MAST1: variants seen among roughly 807,000 people sequenced by gnomAD.
MAST1 encodes microtubule-associated serine/threonine-protein kinase 1.
Under a neutral mutation model 124.6 loss-of-function variants are expected in MAST1, and 40 were observed. The ratio of observed to expected loss-of-function variants is 0.32; its 90% confidence interval spans 0.25 to 0.42. MAST1 has a LOEUF of 0.42. MAST1 is among the 10% of genes least tolerant of loss of function. The pLI, the probability that MAST1 is intolerant of heterozygous loss-of-function variation, is 1.00. For synonymous variants in MAST1, 938 were observed against 939.4 expected (o/e 1.00, Z 0.03); for missense variants, 1,558 against 2,181.9 (o/e 0.71, Z 5.70).
chr19:12,858,006 C>CAAAAAAAAAAAAAAAAAAAAAAAAAA (rs539497049), intron 10 of MAST1, among the ~76,000 whole-genome samples: 1 of 49,446 alleles, frequency 2.0e-5, no homozygotes, highest in African/African-American at 5.6e-5. Flanking sequence ...GAACCTATCT[C>CAAAAAAAAAAAAAAAAAAAAAAAAAA]AAAAAAAAAA....
In MAST1 at chr19:12,839,087, C is replaced by T. The variant is rs372979049; in HGVS notation, c.83+432C>T. 7.3e-5 allele frequency among the ~76,000 whole-genome samples: 11 copies of T among 151,030 alleles called. No homozygotes were observed. The East Asian group carries it at 1.9e-3, about 27-fold the overall frequency. ...GTGGGTGAGGGGACGGACGGAGGGG[C>T]TTGGGGCTCCCTCTTCGGGAGCTGG... On this transcript the variant is annotated intron_variant, in intron 1 of 25. Transcript: ENST00000251472.
At chr19:12,850,174 A>T (rs1282703138) in intron 7 of MAST1, among the ~76,000 whole-genome samples, 1 of 152,194 alleles carries the variant, frequency 6.6e-6, no homozygotes, top group East Asian at 1.9e-4. Flanking sequence ...GAAATAAAAC[A>T]AAAATTCTTG....
At chr19:12,861,210 C>T (rs1970078751) in intron 12 of MAST1, among the ~76,000 whole-genome samples, 1 of 152,038 alleles carries the variant, frequency 6.6e-6, no homozygotes, top group African/African-American at 2.4e-5. Flanking sequence ...TAAAGGCGCG[C>T]CTCCACCATG....
intron 20 of MAST1, among the ~76,000 whole-genome samples, chr19:12,868,240 C>T (rs963122255): frequency 6.6e-6 from 1 of 151,180 alleles, no homozygotes; most frequent in African/African-American, 2.4e-5. Flanking sequence ...TCCCGAGTAG[C>T]TGGGATTACA....
rs1055851373 is a variant in MAST1 at position 12,843,904 on chromosome 19, G to A, written c.327+297G>A. The stretch of plus-strand genomic sequence containing the variant: ...TGGTCCCCACTATTTGGGAGGCTGA[G>A]ACGGGAGGATCGCTGGAGTCTGGGA... On this transcript the variant is annotated intron_variant, in intron 4 of 25. Transcript: ENST00000251472. This position sits in a 1 kb window ranked among gnomAD's most constrained non-coding sequence, Gnocchi z 4.9. Among the ~76,000 whole-genome samples the A allele has an allele frequency of 2.0e-5, 3 of 152,192 alleles. No homozygotes were observed. The highest frequency in any genetic ancestry group is 2.9e-5 in the Non-Finnish European group (2 of 68,036).
chr19:12,846,870 CAAAAAAA>C (rs386388580), intron 4 of MAST1, among the ~76,000 whole-genome samples: 52 of 47,384 alleles, frequency 1.1e-3, no homozygotes, highest in African/African-American at 4.0e-3. Context: ...AACTCCATCT[CAAAAAAA>C]AAAAAAAAAA....
rs1414472632 is a variant in MAST1, at chr19:12,873,404, A to G, written c.3344A>G (p.Asn1115Ser). 4 of 1,613,838 alleles carry G rather than the reference A, an allele frequency of 2.5e-6. No homozygotes were observed. The highest frequency in any genetic ancestry group is 3.4e-6 in the Non-Finnish European group (4 of 1,179,988). Residue 1115 changes from asparagine (N) to serine (S), a missense_variant, in exon 25 of 26, where the codon AAC becomes AGC. By Grantham distance (46) the Asn-to-Ser change is conservative. Transcript: ENST00000251472. ...LHTSRSLSSL[N>S]RSLSSSDSLP... Reference sequence around the variant, plus strand: ...ACTAGCCGCTCGCTGTCGTCGCTGAACCGCTCGCTGTCATCCAGCGATAGT... The same window carrying G: ...ACTAGCCGCTCGCTGTCGTCGCTGAGCCGCTCGCTGTCATCCAGCGATAGT...
rs753002871 is a variant in MAST1, at chr19:12,852,215, G to A, written c.977G>A (p.Arg326His). Reference sequence around the variant, plus strand: ...ACGGACATCCCCCGCTACATCATCCGCCAGCTGGGCCTCACCCGTGACCCC... The same window carrying A: ...ACGGACATCCCCCGCTACATCATCCACCAGCTGGGCCTCACCCGTGACCCC... ...VKTDIPRYII[R>H]QLGLTRDPFP... Residue 326 changes from arginine (R) to histidine (H), a missense_variant, in exon 9 of 26, where the codon CGC (arginine) becomes CAC (histidine). Arg to His is a conservative substitution (Grantham distance 29). This residue lies in a region of MAST1 where 136 missense variants were observed against 160.9 expected (regional missense o/e 0.85). Coordinates refer to ENST00000251472, the MANE Select transcript of MAST1 (RefSeq NM_014975.3). The A allele has an allele frequency of 6.2e-6, 10 of 1,613,934 alleles. No homozygotes were observed. The highest frequency in any genetic ancestry group is 6.8e-6 in the Non-Finnish European group (8 of 1,180,032).
intron 10 of MAST1, among the ~76,000 whole-genome samples, chr19:12,854,787 C>G (rs939403806): frequency 6.6e-6 from 1 of 152,178 alleles, no homozygotes; most frequent in Non-Finnish European, 1.5e-5. Flanking sequence ...AGCAAGCTAA[C>G]TGGCTGTATG....
chr19:12,852,963 T>G (rs1318456314), intron 10 of MAST1, among the ~76,000 whole-genome samples: 3 of 151,842 alleles, frequency 2.0e-5, no homozygotes, highest in Non-Finnish European at 2.9e-5. Context: ...TATTTTATTT[T>G]TATTTATTTA....
At position 12,858,515 on chromosome 19, in the gene MAST1, C is replaced by T; in HGVS notation, c.1158-16C>T. ...TCTCGGAGGTGACGGCCGGTCCTCG[C>T]TCTCTCCCCCTGCAGCGCTGTCTAC... On this transcript the variant is annotated splice_polypyrimidine_tract_variant and intron_variant, in intron 11 of 25. Coordinates refer to ENST00000251472, the MANE Select transcript of MAST1 (RefSeq NM_014975.3). 6.2e-7 allele frequency: 1 copy of T among 1,613,060 alleles called. No homozygotes were observed. The highest frequency in any genetic ancestry group is 1.7e-4 in the Middle Eastern group (1 of 6,056).
chr19:12,868,510 C>T (rs933296116), intron 20 of MAST1, 133 bp from the exon 21 acceptor site: 1 of 721,320 alleles, frequency 1.4e-6, no homozygotes, highest in Non-Finnish European at 2.3e-6. Flanking sequence ...GTGAGGCATG[C>T]AGGTTACCTG....
rs1970287227 is a variant in MAST1 at position 12,874,452 on chromosome 19, C to T, written c.4295C>T (p.Pro1432Leu). Residue 1432 changes from proline (P) to leucine (L), a missense_variant, in exon 26 of 26, where the codon CCC (proline) becomes CTC (leucine). Pro to Leu is a moderately conservative substitution (Grantham distance 98, BLOSUM62 -3). This residue lies in a region of MAST1 where 263 missense variants were observed against 310.9 expected (regional missense o/e 0.85). Transcript: ENST00000251472. This position sits in a 1 kb window ranked among gnomAD's most constrained non-coding sequence, Gnocchi z 6.6. Reference sequence around the variant, plus strand: ...AGCAGCTCTGGCGAGGCGGGCACACCCCTGGTACCCATTGTCGTAGAGCCT... The same window carrying T: ...AGCAGCTCTGGCGAGGCGGGCACACTCCTGGTACCCATTGTCGTAGAGCCT... Reference protein sequence around the residue: ...RRSSSGEAGTPLVPIVVEPAR... With the variant: ...RRSSSGEAGTLLVPIVVEPAR... The T allele has an allele frequency of 6.3e-7, 1 of 1,594,458 alleles. No homozygotes were observed. The highest frequency in any genetic ancestry group is 1.3e-5 in the African/African-American group (1 of 74,692).
chr19:12,855,767 G>C (rs1392255301), intron 10 of MAST1, among the ~76,000 whole-genome samples: 1 of 151,968 alleles, frequency 6.6e-6, no homozygotes, highest in Non-Finnish European at 1.5e-5. Flanking sequence ...TCTAAAAAAA[G>C]GTATTTATCT....
chr19:12,857,645 C>T (rs528163968), intron 10 of MAST1, among the ~76,000 whole-genome samples: 7 of 152,186 alleles, frequency 4.6e-5, no homozygotes, highest in Admixed American at 2.6e-4. Context: ...ATCTCCTGAC[C>T]GCATGATCCG....
At chr19:12,845,512 AG>A (rs1402903600) in intron 4 of MAST1, among the ~76,000 whole-genome samples, 3 of 149,472 alleles carry the variant, frequency 2.0e-5, no homozygotes, top group African/African-American at 7.4e-5. Context: ...CGAGCCCAGG[AG>A]GTGGGGGTTG....
At chr19:12,853,349 A>G (rs4570988) in intron 10 of MAST1, among the ~76,000 whole-genome samples, 50,172 of 151,476 alleles carry the variant, frequency 0.33, 8,878 homozygotes, top group East Asian at 0.63. Flanking sequence ...TTGGGAGGCC[A>G]AGGCAGGAGG....
chr19:12,839,164 CCG>C (rs1301392860), intron 1 of MAST1, among the ~76,000 whole-genome samples: 1 of 149,246 alleles, frequency 6.7e-6, no homozygotes, highest in Non-Finnish European at 1.5e-5. Context: ...ACCCCCCCCC[CCG>C]AACACAGCCT....
chr19:12,868,044 C>T (rs1432506406), intron 20 of MAST1, 67 bp downstream of exon 20: 14 of 1,465,430 alleles, frequency 9.6e-6, no homozygotes, highest in South Asian at 1.5e-5. Context: ...TAGTGAGCAT[C>T]CCACGAGCCT....
Sources: gnomAD v4.1 joint callset for allele counts (sites outside exome capture counted in the v4.1 genomes callset) on GRCh38, gnomAD v4.1.1 for gene constraint, gnomAD v4.1.1 regional missense constraint, Gnocchi (gnomAD v3.1) non-coding constraint, MANE v1.5 for transcripts, NCBI Gene and HGNC (gene_info 2026-07-23, HGNC 2026-07-21) for gene names.